Variants in ANKRD30A observed in about 807,000 individuals in gnomAD.
The protein encoded by ANKRD30A is ankyrin repeat domain 30A.
A neutral mutation model predicts 166.3 loss-of-function variants in ANKRD30A; 170 were observed. That is an observed-to-expected ratio of 1.02 (90% CI 0.90 to 1.16). The LOEUF is 1.16. ANKRD30A is among the 50% of genes most tolerant of loss of function. The pLI is 0.00. For missense variants in ANKRD30A, 1,630 were observed against 1,518.0 expected (o/e 1.07, Z -1.23); for synonymous variants, 564 against 508.9 (o/e 1.11, Z -1.46).
chr10:37,128,376 T>G (rs1836175249), intron 1 of ANKRD30A, among the ~76,000 whole-genome samples: 1 of 152,020 alleles, frequency 6.6e-6, no homozygotes, highest in Admixed American at 6.6e-5. Context: ...TGTTTTAATT[T>G]TTATTTTTTG....
chr10:37,214,744 C>G (rs1433081986), intron 31 of ANKRD30A, among the ~76,000 whole-genome samples: 1 of 151,170 alleles, frequency 6.6e-6, no homozygotes, highest in Admixed American at 6.6e-5. Flanking sequence ...AATATTATAT[C>G]ATATCATAGA....
At chr10:37,205,567 G>C (rs1035577578) in intron 31 of ANKRD30A, among the ~76,000 whole-genome samples, 1 of 152,190 alleles carries the variant, frequency 6.6e-6, no homozygotes, top group African/African-American at 2.4e-5. Context: ...CCTGCACGTT[G>C]TGCAGATGTA....
At position 37,219,268 on chromosome 10, in the gene ANKRD30A, C is replaced by A. The variant is rs751004520; in HGVS notation, c.3556C>A (p.Gln1186Lys). The change falls in exon 34 of 36, where the codon CAA becomes AAA. Residue 1186 changes from glutamine to lysine, a missense_variant. This residue lies in a region of ANKRD30A where 712 missense variants were observed against 629.3 expected (regional missense o/e 1.13). Transcript: ENST00000361713. Reference protein sequence around the residue: ...TMLTSKLKEKQDKEILEAEIE... With the variant: ...TMLTSKLKEKKDKEILEAEIE... ...GCTCACTTCTAAATTGAAGGAAAAACAAGACAAAGAAATACTAGAGGCAGA... is the reference window on the plus strand; with the variant it reads ...GCTCACTTCTAAATTGAAGGAAAAAAAAGACAAAGAAATACTAGAGGCAGA... 1.2e-6 allele frequency: 2 copies of A among 1,610,438 alleles called. No individual in the cohort carries two copies. The highest frequency in any genetic ancestry group is 1.7e-6 in the Non-Finnish European group (2 of 1,177,598).
At chr10:37,148,765 G>A (rs1837694099) in intron 9 of ANKRD30A, among the ~76,000 whole-genome samples, 1 of 151,974 alleles carries the variant, frequency 6.6e-6, no homozygotes, top group Non-Finnish European at 1.5e-5. Context: ...AGATATATTT[G>A]AAACTAAGAA....
chr10:37,164,723 C>T (rs1045427679), intron 17 of ANKRD30A, among the ~76,000 whole-genome samples: 2 of 151,998 alleles, frequency 1.3e-5, no homozygotes, highest in African/African-American at 4.8e-5. Context: ...GTAAGTAATA[C>T]TACCAAGTAA....
At chr10:37,264,213 G>A in the ANKRD30A span, among the ~76,000 whole-genome samples, 1 of 152,172 alleles carries the variant, frequency 6.6e-6, no homozygotes, top group East Asian at 1.9e-4. Flanking sequence ...TACAGCCTTA[G>A]GTTGGAGCAA....
intron 24 of ANKRD30A, among the ~76,000 whole-genome samples, chr10:37,179,011 CAAATATATATATATATATATATAT>C (rs1564528869): frequency 9.7e-6 from 1 of 102,790 alleles, no homozygotes; most frequent in African/African-American, 3.7e-5. Flanking sequence ...TATGAGGCGT[CAAATATATATATATATATATATAT>C]ATATATATAT....
At position 37,219,830 on chromosome 10, in the gene ANKRD30A, T is replaced by C. The variant is rs777290459; in HGVS notation, c.4118T>C (p.Ile1373Thr). The C allele has an allele frequency of 6.3e-6, 10 of 1,595,322 alleles. No homozygotes were observed. The highest frequency in any genetic ancestry group is 8.5e-6 in the Non-Finnish European group (10 of 1,169,632). ...CTCCTAAAAGAGAAAAATGAGGAGA[T>C]ATTTAATTACAATAACCATTTAAAA... ...HHLLKEKNEE[I>T]FNYNNHLKNR... The change falls in exon 34 of 36, where the codon ATA becomes ACA. Residue 1373 changes from isoleucine (I) to threonine (T), a missense_variant. This residue lies in a region of ANKRD30A where 712 missense variants were observed against 629.3 expected (regional missense o/e 1.13). Coordinates refer to ENST00000361713, the MANE Select transcript of ANKRD30A (RefSeq NM_052997.3).
downstream of ANKRD30A, among the ~76,000 whole-genome samples, chr10:37,237,369 G>A (rs892147832): frequency 3.9e-5 from 6 of 152,130 alleles, no homozygotes; most frequent in South Asian, 1.0e-3. Context: ...ACAGTTAGAT[G>A]CAACCATATT....
At chr10:37,244,282 C>G in the ANKRD30A span, among the ~76,000 whole-genome samples, 2 of 152,160 alleles carry the variant, frequency 1.3e-5, no homozygotes, top group African/African-American at 4.8e-5. Context: ...TCATGTACAT[C>G]ATGACATTGC....
intron 24 of ANKRD30A, among the ~76,000 whole-genome samples, chr10:37,183,791 C>G (rs1840203834): frequency 6.8e-6 from 1 of 148,098 alleles, no homozygotes; most frequent in Non-Finnish European, 1.5e-5. Context: ...TAAAGTATAC[C>G]TAATATAATT....
intron 11 of ANKRD30A, among the ~76,000 whole-genome samples, chr10:37,150,548 C>T (rs570168031): frequency 8.5e-5 from 13 of 152,138 alleles, no homozygotes; most frequent in South Asian, 4.1e-4. Context: ...AACATGTGTG[C>T]GTGGTCATAT....
intron 34 of ANKRD30A, among the ~76,000 whole-genome samples, chr10:37,228,811 A>C (rs1314104959): frequency 1.3e-5 from 2 of 152,042 alleles, no homozygotes; most frequent in Admixed American, 6.6e-5. Flanking sequence ...TGTACTTTAA[A>C]GGTGACTAAT....
intron 34 of ANKRD30A, among the ~76,000 whole-genome samples, chr10:37,226,736 G>A (rs752504502): frequency 6.6e-6 from 1 of 151,710 alleles, no homozygotes; most frequent in Non-Finnish European, 1.5e-5. Flanking sequence ...GAGTCATATG[G>A]TAGTCTATGT....
intron 13 of ANKRD30A, among the ~76,000 whole-genome samples, chr10:37,157,505 A>G (rs1838474786): frequency 6.6e-6 from 1 of 152,104 alleles, no homozygotes. Context: ...AGCTGGGTTT[A>G]CAGGCATGTA....
chr10:37,155,867 G>T (rs1022372942), intron 13 of ANKRD30A, among the ~76,000 whole-genome samples: 87 of 152,202 alleles, frequency 5.7e-4, no homozygotes, highest in African/African-American at 2.0e-3. Context: ...GGATCACAAG[G>T]TTAGGAGATC....
chr10:37,154,257 A>T lies in ANKRD30A; in HGVS notation c.1798+595A>T, dbSNP rs569817195. Among the ~76,000 whole-genome samples the T allele has an allele frequency of 2.0e-5, 3 of 152,326 alleles. No individual in the cohort carries two copies. The South Asian group carries it at 6.2e-4, about 32-fold the overall frequency. ...TGGCCACACATGTATATAATTTGTC[A>T]TATACACTCCGTATAGACCAGAAGT... On this transcript the variant is annotated intron_variant, in intron 13 of 35. Coordinates refer to ENST00000361713, the MANE Select transcript of ANKRD30A (RefSeq NM_052997.3).
intron 15 of ANKRD30A, among the ~76,000 whole-genome samples, chr10:37,159,239 G>C (rs1363328186): frequency 1.3e-5 from 2 of 152,200 alleles, no homozygotes; most frequent in Non-Finnish European, 2.9e-5. Flanking sequence ...ACAACAGGCT[G>C]TGCATGGTGA....
chr10:37,228,982 C>G (rs141961360), intron 34 of ANKRD30A, among the ~76,000 whole-genome samples: 143 of 152,042 alleles, frequency 9.4e-4, no homozygotes, highest in Middle Eastern at 3.4e-3. Context: ...TGTCACTGTT[C>G]CTCTTAACTT....
Sources: gnomAD v4.1 joint callset for allele counts (sites outside exome capture counted in the v4.1 genomes callset) on GRCh38, gnomAD v4.1.1 for gene constraint, gnomAD v4.1.1 regional missense constraint, MANE v1.5 for transcripts, NCBI Gene and HGNC (gene_info 2026-07-23, HGNC 2026-07-21) for gene names.